TNPO3: variants seen among roughly 807,000 people sequenced by gnomAD.
TNPO3 encodes the protein transportin-3.
A neutral mutation model predicts 122.8 loss-of-function variants in TNPO3; 65 were observed. The observed-to-expected ratio is 0.53, with a 90% confidence interval of 0.43 to 0.65. TNPO3 has a LOEUF of 0.65. Among genes scored for constraint, TNPO3 ranks in the 30% least tolerant of loss-of-function variants. The pLI, the probability that TNPO3 is intolerant of heterozygous loss-of-function variation, is 0.00. For synonymous variants in TNPO3, 372 were observed against 411.2 expected (o/e 0.90, Z 1.15); for missense variants, 850 against 1,136.7 (o/e 0.75, Z 3.63).
At chr7:129,029,001 A>G in intron 1 of TNPO3, 1 of 422,446 alleles carries the variant, frequency 2.4e-6, no homozygotes, top group Admixed American at 2.8e-5. Context: ...TCTGATGATG[A>G]TTAGGATGCC....
intron 16 of TNPO3, among the ~76,000 whole-genome samples, chr7:128,977,911 T>C (rs1406155531): frequency 6.6e-6 from 1 of 152,194 alleles, no homozygotes; most frequent in Non-Finnish European, 1.5e-5. Context: ...GAACTCATTC[T>C]TAAGGCCAGG....
intron 21 of TNPO3, among the ~76,000 whole-genome samples, chr7:128,959,414 C>A (rs1797218547): frequency 6.6e-6 from 1 of 152,202 alleles, no homozygotes. Context: ...GCCCAGGCTG[C>A]TCGAACCTCT....
intron 1 of TNPO3, among the ~76,000 whole-genome samples, chr7:129,053,637 T>G (rs1030497505): frequency 6.6e-6 from 1 of 152,056 alleles, no homozygotes; most frequent in African/African-American, 2.4e-5. Context: ...GTATCAGTTA[T>G]GAGTTAAAAT....
In TNPO3 at chr7:128,993,794, C is replaced by T. The variant is rs761494229; in HGVS notation, c.1266+13G>A. ...GACTAGTAAAACTGGAAACAATCTC[C>T]AAATAGGCTTACCTGAGCAAAACAC... On this transcript the variant is annotated intron_variant, in intron 9 of 22. Transcript: ENST00000265388. 1 of 1,603,878 alleles carries T rather than the reference C, an allele frequency of 6.2e-7. No homozygotes were observed. The highest frequency in any genetic ancestry group is 1.7e-5 in the Admixed American group (1 of 58,128).
chr7:129,000,965 G>A (rs1415751809), intron 6 of TNPO3, 94 bp downstream of exon 6: 1 of 1,401,382 alleles, frequency 7.1e-7, no homozygotes, highest in Non-Finnish European at 9.9e-7. Context: ...GAATCACTGA[G>A]AATCACAAAT....
chr7:128,955,419 C>T (rs979414402), intron 22 of TNPO3, 34 bp from the exon 23 acceptor site: 3 of 441,228 alleles, frequency 6.8e-6, no homozygotes. Flanking sequence ...AATAACTGCA[C>T]CAGAAAATAG....
rs1430287978 is a variant in TNPO3 at position 128,962,318 on chromosome 7, T to C, written c.2711+4962A>G. 4.1e-5 allele frequency among the ~76,000 whole-genome samples: 6 copies of C among 147,924 alleles called. No individual in the cohort carries two copies. The South Asian group carries it at 6.4e-4, about 16-fold the overall frequency. On this transcript the variant is annotated intron_variant, in intron 21 of 22. Transcript: ENST00000265388. ...AAGTGGAGCTTGCAGTGAGCCGAGA[T>C]TGCGCCACTGCAGTCCGCAGTCCGG...
At chr7:129,050,959 C>T (rs937828052) in intron 1 of TNPO3, among the ~76,000 whole-genome samples, 1 of 152,036 alleles carries the variant, frequency 6.6e-6, no homozygotes, top group African/African-American at 2.4e-5. Context: ...TTATGGAATC[C>T]CATGACAGTA....
intron 21 of TNPO3, among the ~76,000 whole-genome samples, chr7:128,962,688 C>A (rs889778855): frequency 1.3e-5 from 2 of 152,208 alleles, no homozygotes; most frequent in Non-Finnish European, 2.9e-5. Flanking sequence ...CATTTCCCAC[C>A]ACTATGTTAC....
chr7:129,005,481 A>G (rs973143280), intron 4 of TNPO3, among the ~76,000 whole-genome samples: 2 of 152,092 alleles, frequency 1.3e-5, no homozygotes, highest in Non-Finnish European at 2.9e-5. Context: ...TGTAATCCCC[A>G]GTGTTAGAGG....
chr7:129,050,074 C>CT (rs1050128571), intron 1 of TNPO3, among the ~76,000 whole-genome samples: 1 of 151,508 alleles, frequency 6.6e-6, no homozygotes, highest in African/African-American at 2.4e-5. Context: ...TCTTTTTTTT[C>CT]TTTTTTTAAA....
upstream of TNPO3, chr7:129,056,070 C>A: frequency 1.7e-6 from 2 of 1,165,944 alleles, no homozygotes; most frequent in Non-Finnish European, 2.5e-6. Context: ...GATGAACGGG[C>A]GGAAGAAATG....
chr7:129,043,237 C>G (rs867326959), intron 1 of TNPO3, among the ~76,000 whole-genome samples: 1 of 144,896 alleles, frequency 6.9e-6, no homozygotes, highest in Middle Eastern at 3.5e-3. Flanking sequence ...CCAGTCTTTA[C>G]AGGAAAAAAA....
chr7:128,991,940 G>A, intron 10 of TNPO3, 59 bp downstream of exon 10: 1 of 1,225,030 alleles, frequency 8.2e-7, no homozygotes, highest in South Asian at 1.4e-5. Context: ...AAAAAATAGT[G>A]TCATTTTCCT....
Position 128,967,263 on chromosome 7 carries a change from C to T in TNPO3, c.2711+17G>A, listed in dbSNP as rs774254170. On this transcript the variant is annotated intron_variant, in intron 21 of 22. Coordinates refer to ENST00000265388, the MANE Select transcript of TNPO3 (RefSeq NM_012470.4). Reference sequence around the variant, plus strand: ...CCCACATCCCACACCTCCTTAAGAACCCCCAGTATCACTCACCTAGTGACT... The same window carrying T: ...CCCACATCCCACACCTCCTTAAGAATCCCCAGTATCACTCACCTAGTGACT... 4.1e-6 allele frequency: 6 copies of T among 1,477,160 alleles called. No homozygotes were observed. The South Asian group carries it at 5.7e-5, about 14-fold the overall frequency. 91.5% of individuals were successfully genotyped at this position (1,477,160 alleles called of 1,614,324 possible).
intron 3 of TNPO3, among the ~76,000 whole-genome samples, chr7:129,015,443 T>C (rs1803731116): frequency 1.3e-5 from 2 of 152,158 alleles, no homozygotes; most frequent in Admixed American, 1.3e-4. Flanking sequence ...AACAAATATA[T>C]AGGTATATGT....
In TNPO3 at chr7:129,018,060, G is replaced by A; in HGVS notation, c.218C>T (p.Thr73Ile). 6.2e-7 allele frequency: 1 copy of A among 1,614,124 alleles called. No homozygotes were observed. Among genetic ancestry groups the A allele is most frequent in the Non-Finnish European group, 8.5e-7 (1 of 1,180,026 alleles). ...GTCTGTGGGGAGCTCATAAAATGAGGTCTGAATCTTCATTTTCATGGTCTG... is the reference window on the plus strand; with the variant it reads ...GTCTGTGGGGAGCTCATAAAATGAGATCTGAATCTTCATTTTCATGGTCTG... ...AAQTMKMKIQ[T>I]SFYELPTDSH... The change falls in exon 2 of 23, where the codon ACC becomes ATC. Residue 73 changes from threonine (T) to isoleucine (I), a missense_variant. Thr to Ile is a moderately conservative substitution (Grantham distance 89). Coordinates refer to ENST00000265388, the MANE Select transcript of TNPO3 (RefSeq NM_012470.4).
At chr7:129,047,375 A>G (rs1268410507) in intron 1 of TNPO3, among the ~76,000 whole-genome samples, 2 of 152,240 alleles carry the variant, frequency 1.3e-5, no homozygotes, top group Non-Finnish European at 2.9e-5. Context: ...AAATGAAACT[A>G]CTAAATATAC....
intron 21 of TNPO3, among the ~76,000 whole-genome samples, chr7:128,961,057 G>A (rs900913323): frequency 3.3e-5 from 5 of 152,062 alleles, no homozygotes; most frequent in Non-Finnish European, 7.4e-5. Flanking sequence ...CACCGCGCCT[G>A]GCCAAGGGTT....
Sources: allele counts gnomAD v4.1 joint callset (sites outside exome capture counted in the v4.1 genomes callset), GRCh38; gene constraint gnomAD v4.1.1; transcripts MANE v1.5; gene names NCBI Gene and HGNC (gene_info 2026-07-23, HGNC 2026-07-21).